ABLIM1: variants seen among roughly 807,000 people sequenced by gnomAD.
ABLIM1 encodes the protein actin binding LIM protein 1, also known as actin-binding LIM protein 1.
ABLIM1 carries 40 observed loss-of-function variants against 107.0 expected under a neutral mutation model. The observed-to-expected ratio is 0.37, with a 90% CI of 0.29 to 0.49. The LOEUF (loss-of-function observed/expected upper bound fraction) is 0.49, where lower values mean the gene tolerates loss of function less well. Among genes scored for constraint, ABLIM1 ranks in the 20% least tolerant of loss-of-function variants. The pLI is 0.97. For missense variants in ABLIM1, 857 were observed against 1,008.5 expected, an observed-to-expected ratio of 0.85 and a Z score of 2.04; for synonymous variants, 357 against 357.3, an observed-to-expected ratio of 1.00 and a Z score of 0.01.
At position 114,545,033 on chromosome 10, in the gene ABLIM1, T is replaced by C; in HGVS notation, c.866A>G (p.His289Arg). The C allele has an allele frequency of 2.5e-6, 4 of 1,614,126 alleles. No individual in the cohort carries two copies. The highest frequency in any genetic ancestry group is 3.4e-6 in the Non-Finnish European group (4 of 1,180,016). Residue 289 changes from histidine (H) to arginine (R), a missense_variant, in exon 6 of 23, where the codon CAC becomes CGC. His to Arg is a conservative substitution (Grantham distance 29, BLOSUM62 0). This residue lies in a region of ABLIM1 where 381 missense variants were observed against 506.9 expected (regional missense o/e 0.75). Coordinates refer to ENST00000533213, the MANE Select transcript of ABLIM1 (RefSeq NM_002313.7). The part of the protein sequence containing the change: ...GLFGVKCEAC[H>R]QFITGKVLEA... ...CAGGACTTTCCCTGTGATAAACTGG[T>C]GACACGCCTCACATTTCACCCCAAA...
At chr10:114,685,565 T>C (rs190858630), upstream of ABLIM1, among the ~76,000 whole-genome samples, 3 of 152,290 alleles carry the variant, frequency 2.0e-5, no homozygotes, top group Non-Finnish European at 2.9e-5. Flanking sequence ...CTATGTGCCC[T>C]TCCCCTGGTC....
At chr10:114,495,434 C>T (rs890182316) in intron 6 of ABLIM1, among the ~76,000 whole-genome samples, 2 of 150,304 alleles carry the variant, frequency 1.3e-5, no homozygotes, top group East Asian at 3.9e-4. Flanking sequence ...GTGAGTGGTG[C>T]TGGGGTGGTA....
At chr10:114,499,580 T>C (rs1485498054) in intron 6 of ABLIM1, among the ~76,000 whole-genome samples, 1 of 152,198 alleles carries the variant, frequency 6.6e-6, no homozygotes, top group East Asian at 1.9e-4. Context: ...CTTTTAAAAA[T>C]GGGTTCGATG....
At chr10:114,644,010 A>G (rs1203736036) in intron 1 of ABLIM1, among the ~76,000 whole-genome samples, 2 of 150,558 alleles carry the variant, frequency 1.3e-5, no homozygotes, top group South Asian at 2.2e-4. Flanking sequence ...GGCCAGGCAC[A>G]GTGGCTCATA....
chr10:114,446,052 G>A (rs1397999803), intron 15 of ABLIM1, among the ~76,000 whole-genome samples: 3 of 152,210 alleles, frequency 2.0e-5, no homozygotes, highest in African/African-American at 2.4e-5. Flanking sequence ...GATTACAGGC[G>A]TGAGCCACCA....
At chr10:114,633,029 AC>A in intron 1 of ABLIM1, among the ~76,000 whole-genome samples, 1 of 152,268 alleles carries the variant, frequency 6.6e-6, no homozygotes, top group South Asian at 2.1e-4. Context: ...AATCCAGCTT[AC>A]CGGGTCCCGA....
intron 13 of ABLIM1, among the ~76,000 whole-genome samples, chr10:114,453,048 A>G (rs974109907): frequency 3.3e-5 from 5 of 152,266 alleles, no homozygotes; most frequent in Non-Finnish European, 7.3e-5. Context: ...TAATTAGTCA[A>G]TGACAGCAAA....
Position 114,522,295 on chromosome 10 carries a change from G to A in ABLIM1, c.894+22710C>T, listed in dbSNP as rs559099747. ...TCTTTTCAAACCACAAAGGAAACCT[G>A]GCAATCCACCCCACCCCCCACTTAT... On this transcript the variant is annotated intron_variant, in intron 6 of 22. Transcript: ENST00000533213. Among the ~76,000 whole-genome samples, 22 of 152,236 alleles carry A rather than the reference G, an allele frequency of 1.4e-4. No individual in the cohort carries two copies. The South Asian group carries it at 3.5e-3, about 24-fold the overall frequency.
rs1015008516 is a variant in ABLIM1 at position 114,619,279 on chromosome 10, G to A, written c.245-17318C>T. On this transcript the variant is annotated intron_variant, in intron 1 of 22. Transcript: ENST00000533213. The surrounding 1 kb of genome is among the most constrained non-coding windows in gnomAD (Gnocchi z 4.1). ...TGGCACGATCTTAGCTCACTGCAAC[G>A]TCCACCTCCCAGGTTCAAGCAATTC... is the stretch of plus-strand genomic sequence containing the variant. Among the ~76,000 whole-genome samples, 5 of 148,874 alleles carry A rather than the reference G, an allele frequency of 3.4e-5. No individual in the cohort carries two copies. The highest frequency in any genetic ancestry group is 7.4e-5 in the Non-Finnish European group (5 of 67,460).
intron 6 of ABLIM1, among the ~76,000 whole-genome samples, chr10:114,497,597 G>A (rs1182428531): frequency 1.3e-5 from 2 of 150,454 alleles, no homozygotes; most frequent in African/African-American, 4.9e-5. Context: ...CAGGAGAATG[G>A]CGCGAACCCG....
At chr10:114,657,301 G>T (rs1405636401) in intron 1 of ABLIM1, among the ~76,000 whole-genome samples, 1 of 152,086 alleles carries the variant, frequency 6.6e-6, no homozygotes, top group Non-Finnish European at 1.5e-5. Context: ...TGAGCAGTTG[G>T]GTAGGTATCA....
chr10:114,447,394 G>A (rs1391554986), intron 15 of ABLIM1, among the ~76,000 whole-genome samples: 1 of 152,176 alleles, frequency 6.6e-6, no homozygotes, highest in Non-Finnish European at 1.5e-5. Flanking sequence ...GATCTTACAA[G>A]AAAAATGAAA....
chr10:114,798,755 A>T, the ABLIM1 span, among the ~76,000 whole-genome samples: 5 of 152,078 alleles, frequency 3.3e-5, no homozygotes, highest in African/African-American at 1.2e-4. Flanking sequence ...AAAAACAAAC[A>T]AACCAAAAGA....
chr10:114,600,360 C>A (rs534749361), intron 2 of ABLIM1, among the ~76,000 whole-genome samples: 2 of 152,162 alleles, frequency 1.3e-5, no homozygotes, highest in Non-Finnish European at 2.9e-5. Flanking sequence ...GCTTGTCATG[C>A]GCTGAGCATT....
intron 2 of ABLIM1, among the ~76,000 whole-genome samples, chr10:114,596,926 T>G (rs1436044524): frequency 6.6e-6 from 1 of 152,130 alleles, no homozygotes; most frequent in Non-Finnish European, 1.5e-5. Context: ...AAGGTATACA[T>G]GTGAAGGAGA....
chr10:114,441,176 C>G (rs2060142240), intron 18 of ABLIM1, 99 bp from the exon 19 acceptor site: 1 of 1,282,556 alleles, frequency 7.8e-7, no homozygotes, highest in South Asian at 1.5e-5. Flanking sequence ...AGGAATTCTT[C>G]CCAAGCTAAA....
intron 1 of ABLIM1, among the ~76,000 whole-genome samples, chr10:114,699,644 C>A (rs1487499057): frequency 6.6e-6 from 1 of 152,004 alleles, no homozygotes; most frequent in Non-Finnish European, 1.5e-5. Flanking sequence ...TATAAAATGG[C>A]TCTATATCAA....
At chr10:114,439,646 T>C (rs985960553) in intron 20 of ABLIM1, 6 of 366,312 alleles carry the variant, frequency 1.6e-5, no homozygotes, top group Non-Finnish European at 1.5e-5. Flanking sequence ...AGATTGAGGT[T>C]CTAGTGAGAA....
intron 1 of ABLIM1, chr10:114,615,432 T>C: frequency 2.8e-6 from 1 of 356,808 alleles, no homozygotes; most frequent in Admixed American, 2.7e-5. Flanking sequence ...GACTTCTCCC[T>C]GAACTACCTT....
Sources: allele counts gnomAD v4.1 joint callset (sites outside exome capture counted in the v4.1 genomes callset), GRCh38; gene constraint gnomAD v4.1.1; regional missense constraint gnomAD v4.1.1; non-coding constraint Gnocchi (gnomAD v3.1); transcripts MANE v1.5; gene names NCBI Gene and HGNC (gene_info 2026-07-23, HGNC 2026-07-21).